Variants in CNTN5 observed in about 807,000 individuals in gnomAD.
The protein encoded by CNTN5 is contactin 5.
Under a neutral mutation model 129.1 loss-of-function variants are expected in CNTN5, and 77 were observed. That is an observed-to-expected ratio of 0.60 (90% CI 0.50 to 0.72). CNTN5 has a LOEUF of 0.72. Ranked by LOEUF, CNTN5 falls within the 30% of genes least tolerant of loss-of-function variation. The pLI is 0.00. For synonymous variants in CNTN5, 509 were observed against 465.6 expected (o/e 1.09, Z -1.20); for missense variants, 1,478 against 1,328.8 (o/e 1.11, Z -1.75).
At chr11:99,720,621 C>G (rs1000867893) in intron 3 of CNTN5, among the ~76,000 whole-genome samples, 2 of 152,024 alleles carry the variant, frequency 1.3e-5, no homozygotes, top group African/African-American at 4.8e-5. Context: ...CTTACCACTC[C>G]TATTCAACAT....
chr11:99,517,458 G>A (rs1297149851), intron 2 of CNTN5, among the ~76,000 whole-genome samples: 1 of 152,018 alleles, frequency 6.6e-6, no homozygotes, highest in Non-Finnish European at 1.5e-5. Context: ...TTCTTGGCAA[G>A]CTCTACAAGA....
At chr11:100,083,894 G>C (rs1434363017) in intron 13 of CNTN5, among the ~76,000 whole-genome samples, 4 of 151,908 alleles carry the variant, frequency 2.6e-5, no homozygotes, top group Non-Finnish European at 5.9e-5. Context: ...CCACCAGTTT[G>C]TTTCTAGATT....
chr11:100,193,725 A>G, intron 15 of CNTN5, 62 bp downstream of exon 15: 3 of 1,466,214 alleles, frequency 2.0e-6, no homozygotes, highest in Non-Finnish European at 1.9e-6. Flanking sequence ...AATCAAATGT[A>G]AGACCTTGCT....
At chr11:99,815,991 C>T (rs1460774972) in intron 3 of CNTN5, among the ~76,000 whole-genome samples, 3 of 152,132 alleles carry the variant, frequency 2.0e-5, no homozygotes, top group Non-Finnish European at 4.4e-5. Flanking sequence ...TTATTCACTT[C>T]CTTCAGTGAG....
At chr11:99,322,859 C>T (rs1194058250) in intron 1 of CNTN5, among the ~76,000 whole-genome samples, 2 of 152,022 alleles carry the variant, frequency 1.3e-5, no homozygotes, top group Non-Finnish European at 2.9e-5. Context: ...GCTATTTTTC[C>T]ATCTGTAAAG....
chr11:99,614,938 T>C (rs2135742492), intron 3 of CNTN5, among the ~76,000 whole-genome samples: 1 of 151,784 alleles, frequency 6.6e-6, no homozygotes, highest in East Asian at 1.9e-4. Context: ...AGAATGGCCG[T>C]ACTGTTGTTT....
chr11:99,504,972 T>C (rs1052146057), intron 2 of CNTN5, among the ~76,000 whole-genome samples: 25 of 152,142 alleles, frequency 1.6e-4, no homozygotes, highest in African/African-American at 5.8e-4. Flanking sequence ...AGAAATAAAA[T>C]AGTCTTTGAA....
intron 1 of CNTN5, among the ~76,000 whole-genome samples, chr11:99,213,356 GTGTATATA>G (rs201930081): frequency 0.37 from 47,964 of 128,982 alleles, 9,075 homozygotes; most frequent in Middle Eastern, 0.5. Flanking sequence ...TATTATATAT[GTGTATATA>G]TGTATATATG....
intron 8 of CNTN5, among the ~76,000 whole-genome samples, chr11:99,975,914 C>CA (rs1387771273): frequency 6.6e-6 from 1 of 152,154 alleles, no homozygotes; most frequent in African/African-American, 2.4e-5. Context: ...CAGCATTACT[C>CA]AAAAGTCCAA....
intron 13 of CNTN5, among the ~76,000 whole-genome samples, chr11:100,163,018 C>T (rs1319370611): frequency 6.6e-6 from 1 of 151,722 alleles, no homozygotes; most frequent in Non-Finnish European, 1.5e-5. Context: ...CTTTGTGCCT[C>T]CTACAGCCTT....
At chr11:99,063,619 T>C (rs1864979889) in intron 1 of CNTN5, among the ~76,000 whole-genome samples, 1 of 151,912 alleles carries the variant, frequency 6.6e-6, no homozygotes, top group African/African-American at 2.4e-5. Flanking sequence ...ATTAAAGGAG[T>C]CATAATTCAT....
At chr11:99,510,794 C>T (rs1946806639) in intron 2 of CNTN5, among the ~76,000 whole-genome samples, 1 of 152,190 alleles carries the variant, frequency 6.6e-6, no homozygotes, top group Non-Finnish European at 1.5e-5. Context: ...ATGTACTATA[C>T]TATACTTTTC....
chr11:99,740,283 T>A (rs535520987), intron 3 of CNTN5, among the ~76,000 whole-genome samples: 1 of 152,020 alleles, frequency 6.6e-6, no homozygotes, highest in Non-Finnish European at 1.5e-5. Flanking sequence ...GTAAGAAAAA[T>A]TTGTACAATC....
At chr11:99,178,037 T>G (rs560991664) in intron 1 of CNTN5, among the ~76,000 whole-genome samples, 5 of 152,036 alleles carry the variant, frequency 3.3e-5, no homozygotes, top group Non-Finnish European at 7.4e-5. Flanking sequence ...CCCTGCTATG[T>G]TGTAATATAT....
At chr11:99,482,699 C>T (rs1396575409) in intron 2 of CNTN5, among the ~76,000 whole-genome samples, 2 of 151,952 alleles carry the variant, frequency 1.3e-5, no homozygotes, top group African/African-American at 4.8e-5. Flanking sequence ...TAGAAGATAA[C>T]GTAGGAGAAA....
chr11:99,337,663 A>G (rs1170202653), intron 2 of CNTN5, among the ~76,000 whole-genome samples: 1 of 152,114 alleles, frequency 6.6e-6, no homozygotes, highest in East Asian at 1.9e-4. Context: ...ATTGCTGCAG[A>G]GATTTTATTT....
chr11:99,774,342 T>G lies in CNTN5; in HGVS notation c.56-45202T>G, dbSNP rs562304632. 2.1e-3 allele frequency among the ~76,000 whole-genome samples: 323 copies of G among 151,558 alleles called. 2 individuals carry two copies. The highest frequency in any genetic ancestry group is 5.1e-3 in the African/African-American group (212 of 41,332). On this transcript the variant is annotated intron_variant, in intron 3 of 24. Coordinates refer to ENST00000524871, the MANE Select transcript of CNTN5 (RefSeq NM_014361.4). ...TTTAGAAAACTTCAGGTTTTTTTTT[T>G]GGGGGGGTGGGTGTTAAATTTATTT...
intron 1 of CNTN5, among the ~76,000 whole-genome samples, chr11:99,134,337 C>T (rs976243109): frequency 1.3e-5 from 2 of 152,130 alleles, no homozygotes; most frequent in Non-Finnish European, 2.9e-5. Context: ...ACAGGTGCAG[C>T]AAACCACCAT....
chr11:99,881,076 A>G (rs773769420), intron 6 of CNTN5, among the ~76,000 whole-genome samples: 3 of 152,216 alleles, frequency 2.0e-5, no homozygotes, highest in Non-Finnish European at 4.4e-5. Flanking sequence ...TTTAGCACAC[A>G]TCTATGATTT....
Sources: gnomAD v4.1 joint callset for allele counts (sites outside exome capture counted in the v4.1 genomes callset) on GRCh38, gnomAD v4.1.1 for gene constraint, MANE v1.5 for transcripts, NCBI Gene and HGNC (gene_info 2026-07-23, HGNC 2026-07-21) for gene names.